Variants in SUFU observed in about 807,000 individuals in gnomAD.
SUFU encodes the protein SUFU negative regulator of hedgehog signaling, also known as suppressor of fused homolog.
SUFU carries 7 observed loss-of-function variants against 58.9 expected under a neutral mutation model. The observed-to-expected ratio is 0.12, with a 90% confidence interval of 0.07 to 0.22. SUFU has a LOEUF of 0.22. SUFU is among the 10% of genes least tolerant of loss of function. SUFU has a pLI of 1.00. For synonymous variants in SUFU, 232 were observed against 254.8 expected, an observed-to-expected ratio of 0.91 and a Z score of 0.85; for missense variants, 451 against 641.3, an observed-to-expected ratio of 0.70 and a Z score of 3.20.
In SUFU at chr10:102,619,671, C is replaced by T. The variant is rs975217415; in HGVS notation, c.1296+2243C>T. Among the ~76,000 whole-genome samples, 1 of 152,198 alleles carries T rather than the reference C, an allele frequency of 6.6e-6. No individual in the cohort carries two copies. Among genetic ancestry groups the T allele is most frequent in the Non-Finnish European group, 1.5e-5 (1 of 68,016 alleles). Reference sequence around the variant, plus strand: ...TCAGCAGTGGAGCCAACACCCACACCAGCCCTCCTCCCCCTGCCAGGCAGT... The same window carrying T: ...TCAGCAGTGGAGCCAACACCCACACTAGCCCTCCTCCCCCTGCCAGGCAGT... On this transcript the variant is annotated intron_variant, in intron 10 of 11. Transcript: ENST00000369902. This position sits in a 1 kb window ranked among gnomAD's most constrained non-coding sequence, Gnocchi z 4.2.
intron 2 of SUFU, among the ~76,000 whole-genome samples, chr10:102,546,953 G>A (rs760153202): frequency 5.3e-5 from 8 of 152,254 alleles, no homozygotes; most frequent in Non-Finnish European, 8.8e-5. Context: ...ACCTCTAGGC[G>A]CGTGTGCACG....
intron 8 of SUFU, among the ~76,000 whole-genome samples, chr10:102,599,941 C>G (rs1298275759): frequency 6.6e-6 from 1 of 152,114 alleles, no homozygotes; most frequent in African/African-American, 2.4e-5. Flanking sequence ...CGGCTGATAG[C>G]TGCAACCCTG....
intron 6 of SUFU, among the ~76,000 whole-genome samples, chr10:102,596,007 G>T (rs533033876): frequency 2.6e-5 from 4 of 152,244 alleles, no homozygotes; most frequent in African/African-American, 9.6e-5. Context: ...AGCACACCAG[G>T]GTATACATGC....
chr10:102,542,868 A>T lies in SUFU; in HGVS notation c.318-7102A>T, dbSNP rs575203719. On this transcript the variant is annotated intron_variant, in intron 2 of 11. Transcript: ENST00000369902. ...TCGAATTCCTGGGCTCAAGCAATCT[A>T]CCGGCTTTGGCCTCCCAAAGTGCTG... Among the ~76,000 whole-genome samples the T allele has an allele frequency of 2.6e-5, 4 of 151,790 alleles. No individual in the cohort carries two copies. In the South Asian group the frequency reaches 8.3e-4, roughly 31 times the overall value.
intron 8 of SUFU, among the ~76,000 whole-genome samples, chr10:102,602,737 G>A (rs1040971765): frequency 6.6e-6 from 1 of 152,132 alleles, no homozygotes; most frequent in Non-Finnish European, 1.5e-5. Flanking sequence ...TGGGTAACCC[G>A]CTCCTCTCCT....
At chr10:102,535,175 A>T (rs1459241419) in intron 2 of SUFU, among the ~76,000 whole-genome samples, 1 of 152,048 alleles carries the variant, frequency 6.6e-6, no homozygotes, top group Non-Finnish European at 1.5e-5. Flanking sequence ...GAGGAAGGGG[A>T]AGAGGAAGGG....
intron 3 of SUFU, among the ~76,000 whole-genome samples, chr10:102,589,179 C>T (rs940444663): frequency 6.6e-6 from 1 of 152,114 alleles, no homozygotes; most frequent in Non-Finnish European, 1.5e-5. Flanking sequence ...CCTCCTACCT[C>T]GGCCTCTGAA....
rs760076290 is a variant in SUFU, at chr10:102,617,346, C to T, written c.1214C>T (p.Ala405Val). 2 of 1,614,104 alleles carry T rather than the reference C, an allele frequency of 1.2e-6. No homozygotes were observed. The highest frequency in any genetic ancestry group is 2.2e-5 in the East Asian group (1 of 44,888). Residue 405 changes from alanine to valine, a missense_variant, in exon 10 of 12, where the codon GCC becomes GTC. Transcript: ENST00000369902. This position sits in a 1 kb window ranked among gnomAD's most constrained non-coding sequence, Gnocchi z 4.4. The stretch of plus-strand genomic sequence containing the variant: ...TATAAAAGTATCACAGGTGACATGG[C>T]CATCACGTTTGTCTCCACGGGAGTG... ...FTYKSITGDM[A>V]ITFVSTGVEG...
chr10:102,586,342 G>T (rs958108536), intron 3 of SUFU, among the ~76,000 whole-genome samples: 2 of 152,020 alleles, frequency 1.3e-5, no homozygotes, highest in Non-Finnish European at 2.9e-5. Context: ...TATATGATTT[G>T]CAAATATTTT....
intron 3 of SUFU, among the ~76,000 whole-genome samples, chr10:102,568,746 C>T (rs1156675918): frequency 2.0e-5 from 3 of 150,482 alleles, no homozygotes; most frequent in East Asian, 1.9e-4. Flanking sequence ...AGGTGGCGGG[C>T]GCCTGTAATC....
At chr10:102,614,236 C>G (rs182799770) in intron 8 of SUFU, among the ~76,000 whole-genome samples, 40 of 152,260 alleles carry the variant, frequency 2.6e-4, no homozygotes, top group Admixed American at 1.2e-3. Context: ...CAGGGAAAGA[C>G]AAGCCACTGT....
intron 2 of SUFU, among the ~76,000 whole-genome samples, chr10:102,512,565 A>G (rs2062413535): frequency 6.6e-6 from 1 of 152,184 alleles, no homozygotes; most frequent in Non-Finnish European, 1.5e-5. Context: ...CTGGTTTAAT[A>G]CTATCCTCTT....
At chr10:102,566,800 G>A (rs576684852) in intron 3 of SUFU, among the ~76,000 whole-genome samples, 1 of 142,870 alleles carries the variant, frequency 7.0e-6, no homozygotes, top group Non-Finnish European at 1.5e-5. Context: ...GAAATTAGCC[G>A]GGCATGGTGG....
chr10:102,548,470 A>G (rs1276223094), intron 2 of SUFU, among the ~76,000 whole-genome samples: 1 of 152,174 alleles, frequency 6.6e-6, no homozygotes, highest in East Asian at 1.9e-4. Flanking sequence ...CTGCATCATC[A>G]GCCCTTGAGA....
intron 3 of SUFU, among the ~76,000 whole-genome samples, chr10:102,585,484 G>A (rs945374227): frequency 1.3e-5 from 2 of 152,108 alleles, no homozygotes; most frequent in Non-Finnish European, 1.5e-5. Flanking sequence ...AAGTGGTGGT[G>A]TCTCATTGTG....
At chr10:102,597,544 T>A (rs754175861) in intron 7 of SUFU, among the ~76,000 whole-genome samples, 1 of 152,352 alleles carries the variant, frequency 6.6e-6, no homozygotes, top group East Asian at 1.9e-4. Context: ...GTTTTAGATA[T>A]GCCCTTTGCA....
intron 1 of SUFU, among the ~76,000 whole-genome samples, chr10:102,504,620 T>C (rs1162182567): frequency 7.6e-6 from 1 of 130,970 alleles, no homozygotes. Flanking sequence ...GCGAGGGAAC[T>C]GTAAACGTGG....
intron 10 of SUFU, among the ~76,000 whole-genome samples, chr10:102,626,196 A>G (rs2063785122): frequency 2.0e-5 from 3 of 151,832 alleles, no homozygotes; most frequent in Admixed American, 2.0e-4. Flanking sequence ...AAGAGGAAAG[A>G]CACCCTCACC....
rs1660053391 is a variant in SUFU at position 102,628,455 on chromosome 10, T to C, written c.1365+1212T>C. Among the ~76,000 whole-genome samples the C allele has an allele frequency of 2.0e-5, 3 of 152,268 alleles. No homozygotes were observed. Among genetic ancestry groups the C allele is most frequent in the South Asian group, 4.1e-4 (2 of 4,832 alleles). On this transcript the variant is annotated intron_variant, in intron 11 of 11. Coordinates refer to ENST00000369902, the MANE Select transcript of SUFU (RefSeq NM_016169.4). This position sits in a 1 kb window ranked among gnomAD's most constrained non-coding sequence, Gnocchi z 4.5. ...TCAACCCCCACAAGTCACTGGTCCCTGAGTCCCAGCTCCCCATTCAGTCAG... is the reference window on the plus strand; with the variant it reads ...TCAACCCCCACAAGTCACTGGTCCCCGAGTCCCAGCTCCCCATTCAGTCAG...
Sources: allele counts gnomAD v4.1 joint callset (sites outside exome capture counted in the v4.1 genomes callset), GRCh38; gene constraint gnomAD v4.1.1; non-coding constraint Gnocchi (gnomAD v3.1); transcripts MANE v1.5; gene names NCBI Gene and HGNC (gene_info 2026-07-23, HGNC 2026-07-21).